Variants in IL6ST observed in about 807,000 individuals in gnomAD.
IL6ST encodes interleukin 6 cytokine family signal transducer.
In IL6ST, 24 loss-of-function variants were observed where a neutral mutation model predicts 91.3. The ratio of observed to expected loss-of-function variants is 0.26; its 90% CI spans 0.19 to 0.37. IL6ST has a LOEUF of 0.37. Among genes scored for constraint, IL6ST ranks in the 10% least tolerant of loss-of-function variants. The probability of loss-of-function intolerance (pLI) is 1.00; values close to 1 mark genes in which losing one functional copy is unlikely to be tolerated. For synonymous variants in IL6ST, 351 were observed against 373.6 expected, an observed-to-expected ratio of 0.94 and a Z score of 0.70; for missense variants, 914 against 1,078.5, an observed-to-expected ratio of 0.85 and a Z score of 2.14.
At chr5:55,982,092 C>T (rs1363929440) in intron 2 of IL6ST, among the ~76,000 whole-genome samples, 2 of 152,048 alleles carry the variant, frequency 1.3e-5, no homozygotes, top group African/African-American at 4.8e-5. Flanking sequence ...CTTTCATTTC[C>T]ATATGTTTTC....
At chr5:55,981,319 C>T (rs1753656132) in intron 2 of IL6ST, among the ~76,000 whole-genome samples, 1 of 152,144 alleles carries the variant, frequency 6.6e-6, no homozygotes, top group African/African-American at 2.4e-5. Context: ...ATATGCAATA[C>T]AGTTAACTTC....
chr5:55,964,463 A>T, intron 5 of IL6ST, 151 bp from the exon 6 acceptor site: 1 of 535,922 alleles, frequency 1.9e-6, no homozygotes, highest in Non-Finnish European at 3.3e-6. Context: ...TTTCTTAAAA[A>T]TAAACCTTTC....
At chr5:55,948,547 T>C (rs1162207244) in intron 14 of IL6ST, among the ~76,000 whole-genome samples, 2 of 151,948 alleles carry the variant, frequency 1.3e-5, no homozygotes, top group African/African-American at 4.8e-5. Flanking sequence ...CATATATATA[T>C]ATATATGGGT....
chr5:55,944,462 A>C (rs1751117022), intron 15 of IL6ST, among the ~76,000 whole-genome samples: 2 of 152,234 alleles, frequency 1.3e-5, no homozygotes, highest in Admixed American at 6.5e-5. Context: ...ATAACAAAAA[A>C]TACTTTTGTC....
intron 15 of IL6ST, among the ~76,000 whole-genome samples, chr5:55,945,040 CAAAAAAA>C (rs368225632): frequency 1.7e-4 from 12 of 71,938 alleles, no homozygotes; most frequent in South Asian, 5.4e-4. Context: ...GGAATTAAAT[CAAAAAAA>C]AAAAAAAAAA....
chr5:55,951,639 T>G, intron 13 of IL6ST, 35 bp from the exon 14 acceptor site: 3 of 1,583,798 alleles, frequency 1.9e-6, no homozygotes, highest in Non-Finnish European at 8.6e-7. Context: ...CATTCAACTA[T>G]TCAATGCTTT....
Position 55,936,156 on chromosome 5 carries a change from C to A in IL6ST, c.*4926G>T. 2 of 226,880 alleles carry A rather than the reference C, an allele frequency of 8.8e-6. No individual in the cohort carries two copies. The highest frequency in any genetic ancestry group is 1.3e-4 in the East Asian group (2 of 15,796). 14.1% of individuals were successfully genotyped at this position (226,880 alleles called of 1,614,324 possible). A position where few individuals can be genotyped will look rare whatever the true frequency, so the allele number is the denominator to read the frequency against. ...TTTCTTTTCCTTCCAGGTGGACTTG[C>A]TGACTGATTAGTTTCATATACTACT... On this transcript the variant is annotated 3_prime_UTR_variant, in exon 17 of 17. Coordinates refer to ENST00000381298, the MANE Select transcript of IL6ST (RefSeq NM_002184.4).
At chr5:55,961,221 G>A (rs1752294932) in intron 7 of IL6ST, among the ~76,000 whole-genome samples, 1 of 151,962 alleles carries the variant, frequency 6.6e-6, no homozygotes, top group Non-Finnish European at 1.5e-5. Flanking sequence ...TCTTCCACAG[G>A]GCCTGTAATA....
intron 5 of IL6ST, 112 bp from the exon 6 acceptor site, chr5:55,964,424 T>C: frequency 1.6e-6 from 1 of 644,594 alleles, no homozygotes; most frequent in Non-Finnish European, 2.6e-6. Context: ...TAGCAAACTT[T>C]GCAATATAAC....
At chr5:55,957,719 A>C (rs1362749634) in intron 8 of IL6ST, among the ~76,000 whole-genome samples, 1 of 152,078 alleles carries the variant, frequency 6.6e-6, no homozygotes, top group East Asian at 1.9e-4. Flanking sequence ...CATGATCAAC[A>C]CATCACTGCT....
At position 55,942,665 on chromosome 5, in the gene IL6ST, C is replaced by T. The variant is rs772357932; in HGVS notation, c.2019+5G>A. On this transcript the variant is annotated splice_donor_5th_base_variant and intron_variant, in intron 16 of 16. Transcript: ENST00000381298. ...TATAAACAACTCAGAAGCATTTTCT[C>T]TTACCCTTGGAGGAGTGTGAGGTGA... is the stretch of plus-strand genomic sequence containing the variant. 6.5e-7 allele frequency: 1 copy of T among 1,549,864 alleles called. No homozygotes were observed. The highest frequency in any genetic ancestry group is 8.9e-7 in the Non-Finnish European group (1 of 1,123,316).
intron 15 of IL6ST, among the ~76,000 whole-genome samples, chr5:55,943,222 T>C (rs890523523): frequency 5.9e-5 from 9 of 152,142 alleles, no homozygotes; most frequent in African/African-American, 1.9e-4. Flanking sequence ...GAAATACCTA[T>C]AACATTTGGA....
In IL6ST at chr5:55,974,318, AT is replaced by A. The variant is rs1192512549; in HGVS notation, c.64+1896del. 9.9e-5 allele frequency among the ~76,000 whole-genome samples: 15 copies of A among 152,192 alleles called. No individual in the cohort carries two copies. The East Asian group carries it at 1.5e-3, about 16-fold the overall frequency. On this transcript the variant is annotated intron_variant, in intron 3 of 16. Transcript: ENST00000381298. ...AACACTGTCCAAATATTTCCTCTAT[AT>A]TAACTTATTTTTGGTTGTTTTTTGA...
At chr5:55,946,219 A>C (rs1386876815) in intron 15 of IL6ST, among the ~76,000 whole-genome samples, 3 of 152,230 alleles carry the variant, frequency 2.0e-5, no homozygotes, top group Non-Finnish European at 4.4e-5. Flanking sequence ...AAGAAGTCTG[A>C]CAGCACTAAG....
In IL6ST at chr5:55,968,296, G is replaced by C. The variant is rs1752755231; in HGVS notation, c.471C>G (p.Asn157Lys). 1.9e-6 allele frequency: 3 copies of C among 1,590,954 alleles called. No individual in the cohort carries two copies. The highest frequency in any genetic ancestry group is 2.6e-6 in the Non-Finnish European group (3 of 1,171,846). ...DGGRETHLETNFTLKSEWATH... is the reference protein window; with the variant it reads ...DGGRETHLETKFTLKSEWATH... The stretch of plus-strand genomic sequence containing the variant: ...CGTACCATTCAGATTTTAAAGTGAA[G>C]TTTGTCTCCAAGTGTGTTTCCCTTC... The change falls in exon 5 of 17, where the codon AAC becomes AAG. Residue 157 changes from asparagine to lysine, a missense_variant. Coordinates refer to ENST00000381298, the MANE Select transcript of IL6ST (RefSeq NM_002184.4).
intron 3 of IL6ST, among the ~76,000 whole-genome samples, chr5:55,971,522 T>C (rs772993921): frequency 7.9e-5 from 12 of 152,246 alleles, no homozygotes; most frequent in Non-Finnish European, 1.3e-4. Flanking sequence ...TTTCTCTAGC[T>C]TCAATGTCCA....
chr5:55,941,164 C>T lies in IL6ST; in HGVS notation c.2675G>A (p.Gly892Asp), dbSNP rs1679418274. The change falls in exon 17 of 17, where the codon GGC becomes GAC. Residue 892 changes from glycine (G) to aspartate (D), a missense_variant. Transcript: ENST00000381298. ...GCCTTCATCAGTCGCAGCCTCCATG[C>T]CAACTGTTTCAAATCTTTCTACTTG... ...EGQVERFETV[G>D]MEAATDEGMP... The T allele has an allele frequency of 1.2e-6, 2 of 1,614,096 alleles. No homozygotes were observed. Among genetic ancestry groups the T allele is most frequent in the Non-Finnish European group, 8.5e-7 (1 of 1,179,954 alleles).
chr5:55,958,769 G>C lies in IL6ST; in HGVS notation c.974-1478C>G, dbSNP rs146135399. 7.7e-3 allele frequency among the ~76,000 whole-genome samples: 1,168 copies of C among 151,120 alleles called. 67 individuals are homozygous for C. Among genetic ancestry groups the C allele is most frequent in the Admixed American group, 0.071 (1,076 of 15,168 alleles). On this transcript the variant is annotated intron_variant, in intron 8 of 16. Transcript: ENST00000381298. ...CATGAGGATCGCTTCAGCCTTGGAG[G>C]TAGAGGCTGCAGCGAGCCGTGTTCA...
At chr5:55,984,227 G>C (rs1753825053) in intron 1 of IL6ST, among the ~76,000 whole-genome samples, 1 of 152,186 alleles carries the variant, frequency 6.6e-6, no homozygotes, top group Non-Finnish European at 1.5e-5. Context: ...ATGGCTGCAA[G>C]CTGGATTTGG....
Sources: allele counts gnomAD v4.1 joint callset (sites outside exome capture counted in the v4.1 genomes callset), GRCh38; gene constraint gnomAD v4.1.1; transcripts MANE v1.5; gene names NCBI Gene and HGNC (gene_info 2026-07-23, HGNC 2026-07-21).